XRCC5: variants seen among roughly 807,000 people sequenced by gnomAD.
XRCC5 encodes the protein DNA repair protein Ku80.
A neutral mutation model predicts 95.7 loss-of-function variants in XRCC5; 12 were observed. That is an observed-to-expected ratio of 0.13 (90% CI 0.08 to 0.20). XRCC5 has a LOEUF of 0.20. Ranked by LOEUF, XRCC5 falls within the 10% of genes least tolerant of loss-of-function variation. The pLI, the probability that XRCC5 is intolerant of heterozygous loss-of-function variation, is 1.00. For synonymous variants in XRCC5, 281 were observed against 290.3 expected, an observed-to-expected ratio of 0.97 and a Z score of 0.33; for missense variants, 595 against 873.9, an observed-to-expected ratio of 0.68 and a Z score of 4.02.
chr2:216,155,236 C>CAAAAAAAAAAAAAAAAAAAA, intron 14 of XRCC5, among the ~76,000 whole-genome samples: 1 of 80,462 alleles, frequency 1.2e-5, no homozygotes, highest in Non-Finnish European at 2.3e-5. Context: ...ACTCCCATCT[C>CAAAAAAAAAAAAAAAAAAAA]AAAAAAAAAA....
chr2:216,166,548 T>C (rs1445652112), intron 16 of XRCC5, among the ~76,000 whole-genome samples: 1 of 152,104 alleles, frequency 6.6e-6, no homozygotes, highest in Non-Finnish European at 1.5e-5. Context: ...TTACCTGTCG[T>C]TGTGGGTTTC....
chr2:216,136,402 A>G (rs1697081370), intron 10 of XRCC5, among the ~76,000 whole-genome samples: 1 of 151,412 alleles, frequency 6.6e-6, no homozygotes, highest in African/African-American at 2.4e-5. Flanking sequence ...TTTTTGATTC[A>G]TCAACTCATG....
At chr2:216,159,847 A>G (rs775906536) in intron 14 of XRCC5, among the ~76,000 whole-genome samples, 2 of 152,192 alleles carry the variant, frequency 1.3e-5, no homozygotes, top group Non-Finnish European at 2.9e-5. Context: ...GGCTGCCTCA[A>G]GTTAGGCCCT....
chr2:216,135,376 C>T (rs1697058568), intron 10 of XRCC5, among the ~76,000 whole-genome samples: 1 of 151,146 alleles, frequency 6.6e-6, no homozygotes, highest in Non-Finnish European at 1.5e-5. Context: ...ATGAGACCTG[C>T]CCCCAGTCAG....
chr2:216,109,792 C>G (rs1437612516), intron 1 of XRCC5, among the ~76,000 whole-genome samples: 1 of 151,908 alleles, frequency 6.6e-6, no homozygotes, highest in Non-Finnish European at 1.5e-5. Context: ...ACTCCCTAGC[C>G]CCACTTCCTC....
At chr2:216,138,695 T>C (rs142016521) in intron 12 of XRCC5, among the ~76,000 whole-genome samples, 1 of 152,334 alleles carries the variant, frequency 6.6e-6, no homozygotes, top group Non-Finnish European at 1.5e-5. Flanking sequence ...AGCATCTGGC[T>C]GCAAATGTCA....
At chr2:216,187,593 G>A (rs1215855388) in intron 16 of XRCC5, among the ~76,000 whole-genome samples, 6 of 146,936 alleles carry the variant, frequency 4.1e-5, no homozygotes, top group Non-Finnish European at 7.4e-5. Context: ...TTGTTTTTTC[G>A]CAAAGCAATT....
chr2:216,149,754 T>C (rs1688708618), intron 14 of XRCC5, among the ~76,000 whole-genome samples: 1 of 152,142 alleles, frequency 6.6e-6, no homozygotes, highest in Non-Finnish European at 1.5e-5. Flanking sequence ...AAGGATGCAG[T>C]TCTGTCGTTT....
At chr2:216,172,016 C>A (rs1402141652) in intron 16 of XRCC5, among the ~76,000 whole-genome samples, 1 of 152,182 alleles carries the variant, frequency 6.6e-6, no homozygotes, top group African/African-American at 2.4e-5. Context: ...TGTTCATAGT[C>A]AGTTTGGGTC....
At chr2:216,194,355 A>G (rs1290911926) in intron 18 of XRCC5, among the ~76,000 whole-genome samples, 1 of 152,262 alleles carries the variant, frequency 6.6e-6, no homozygotes, top group East Asian at 1.9e-4. Flanking sequence ...AGGGGAATAT[A>G]AAGACTTATA....
At chr2:216,190,493 A>T (rs1016333070) in intron 17 of XRCC5, among the ~76,000 whole-genome samples, 159 bp downstream of exon 17, 1 of 152,190 alleles carries the variant, frequency 6.6e-6, no homozygotes, top group African/African-American at 2.4e-5. Flanking sequence ...ACTTAAATTC[A>T]TGTTACTATC....
chr2:216,113,485 G>A (rs1696632073), intron 2 of XRCC5, among the ~76,000 whole-genome samples: 1 of 152,198 alleles, frequency 6.6e-6, no homozygotes, highest in East Asian at 1.9e-4. Context: ...CAACTTGTTT[G>A]TGACTAGTTC....
intron 6 of XRCC5, among the ~76,000 whole-genome samples, chr2:216,123,545 C>A (rs1696853196): frequency 6.6e-6 from 1 of 152,198 alleles, no homozygotes; most frequent in Non-Finnish European, 1.5e-5. Flanking sequence ...GTGGCTTATG[C>A]TTGTAATTCC....
At position 216,148,130 on chromosome 2, in the gene XRCC5, T is replaced by A; in HGVS notation, c.1524T>A (p.Ile508=). The A allele has an allele frequency of 6.2e-7, 1 of 1,613,818 alleles. No homozygotes were observed. The change falls in exon 14 of 21, where the codon ATT becomes ATA. Residue 508 remains isoleucine (I), a synonymous_variant. Coordinates refer to ENST00000392132, the MANE Select transcript of XRCC5 (RefSeq NM_021141.4). ...ATCCCCGGGAGCCTCTACCCCCAAT[T>A]CAGCAGCATATTTGGAATATGCTGA... ...ALHPREPLPP[I]QQHIWNMLNP...
chr2:216,192,526 A>T, intron 17 of XRCC5, 113 bp from the exon 18 acceptor site: 1 of 582,180 alleles, frequency 1.7e-6, no homozygotes, highest in Middle Eastern at 2.7e-4. Context: ...AGAACATTTT[A>T]TTTTTTTGTA....
At chr2:216,111,909 G>T (rs1021306547) in intron 1 of XRCC5, among the ~76,000 whole-genome samples, 2 of 152,178 alleles carry the variant, frequency 1.3e-5, no homozygotes, top group Admixed American at 6.5e-5. Flanking sequence ...CAGGTCTCCC[G>T]ATTGCTATTA....
intron 16 of XRCC5, among the ~76,000 whole-genome samples, chr2:216,173,638 G>A (rs1421066052): frequency 6.6e-6 from 1 of 152,336 alleles, no homozygotes; most frequent in East Asian, 1.9e-4. Context: ...AAGTTTATGT[G>A]TTGGAAACTT....
chr2:216,148,192 C>T lies in XRCC5; in HGVS notation c.1586C>T (p.Pro529Leu). The change falls in exon 14 of 21, where the codon CCT becomes CTT. Residue 529 changes from proline to leucine, a missense_variant. Coordinates refer to ENST00000392132, the MANE Select transcript of XRCC5 (RefSeq NM_021141.4). ...GAGGTGACAACAAAAAGTCAGATTCCTCTCTCTAAAATAAAGACCCTTTTT... is the reference window on the plus strand; with the variant it reads ...GAGGTGACAACAAAAAGTCAGATTCTTCTCTCTAAAATAAAGACCCTTTTT... ...PAEVTTKSQI[P>L]LSKIKTLFPL... is the part of the protein sequence containing the mutation. 17 of 1,614,026 alleles carry T rather than the reference C, an allele frequency of 1.1e-5. No individual in the cohort carries two copies. The highest frequency in any genetic ancestry group is 1.4e-5 in the Non-Finnish European group (17 of 1,179,964).
At chr2:216,186,399 C>G (rs1417258386) in intron 16 of XRCC5, among the ~76,000 whole-genome samples, 1 of 152,138 alleles carries the variant, frequency 6.6e-6, no homozygotes, top group African/African-American at 2.4e-5. Context: ...AAAACTTCGC[C>G]ATTTTCCTCT....
Sources: allele counts gnomAD v4.1 joint callset (sites outside exome capture counted in the v4.1 genomes callset), GRCh38; gene constraint gnomAD v4.1.1; transcripts MANE v1.5; gene names NCBI Gene and HGNC (gene_info 2026-07-23, HGNC 2026-07-21).